WARS2: variants seen among roughly 807,000 people sequenced by gnomAD.
The protein encoded by WARS2 is tryptophan--tRNA ligase, mitochondrial.
WARS2 carries 28 observed loss-of-function variants against 36.5 expected under a neutral mutation model. The observed-to-expected ratio is 0.77, with a 90% confidence interval of 0.57 to 1.05. The LOEUF is 1.05. Ranked by LOEUF, WARS2 falls within the 50% of genes least tolerant of loss-of-function variation. The pLI is 0.00. For missense variants in WARS2, 435 were observed against 456.8 expected, an observed-to-expected ratio of 0.95 and a Z score of 0.44; for synonymous variants, 174 against 178.4, an observed-to-expected ratio of 0.98 and a Z score of 0.20.
intron 1 of WARS2, among the ~76,000 whole-genome samples, chr1:119,106,774 C>CA (rs1654268728): frequency 6.6e-6 from 1 of 152,158 alleles, no homozygotes; most frequent in Admixed American, 6.5e-5. Flanking sequence ...CACAAATATC[C>CA]ACATGCAGGT....
chr1:119,034,248 G>C (rs761012291), intron 4 of WARS2, 35 bp from the exon 5 acceptor site: 1 of 1,551,436 alleles, frequency 6.4e-7, no homozygotes, highest in Non-Finnish European at 8.9e-7. Flanking sequence ...ACAACAGCAA[G>C]GCTCTTTCTT....
At chr1:119,126,647 C>A in intron 1 of WARS2, 1 of 712,462 alleles carries the variant, frequency 1.4e-6, no homozygotes, top group East Asian at 2.5e-5. Flanking sequence ...CACGAAGCTC[C>A]ATAAGTTTTC....
At chr1:119,033,990 T>A (rs1421148357) in intron 5 of WARS2, 105 bp downstream of exon 5, 8 of 932,354 alleles carry the variant, frequency 8.6e-6, no homozygotes, top group Non-Finnish European at 1.3e-5. Flanking sequence ...GAAGCCTGTC[T>A]ACAAGAAAGC....
intron 2 of WARS2, among the ~76,000 whole-genome samples, chr1:119,075,180 A>C (rs901744084): frequency 6.6e-5 from 10 of 152,136 alleles, no homozygotes; most frequent in Non-Finnish European, 1.5e-4. Flanking sequence ...ATATGAAATC[A>C]GTGTGTATTT....
chr1:119,111,802 C>G (rs1183788876), intron 1 of WARS2, among the ~76,000 whole-genome samples: 2 of 152,110 alleles, frequency 1.3e-5, no homozygotes, highest in African/African-American at 4.8e-5. Flanking sequence ...GTTTTTATAC[C>G]AGTACATTGT....
At chr1:119,051,437 G>T (rs1426619332) in intron 2 of WARS2, among the ~76,000 whole-genome samples, 1 of 152,132 alleles carries the variant, frequency 6.6e-6, no homozygotes, top group Non-Finnish European at 1.5e-5. Flanking sequence ...TATTCAATCT[G>T]CCATTGATGG....
intron 1 of WARS2, among the ~76,000 whole-genome samples, chr1:119,110,934 C>G (rs587639073): frequency 2.0e-5 from 3 of 152,246 alleles, no homozygotes; most frequent in African/African-American, 7.2e-5. Flanking sequence ...ATGAACCTAT[C>G]AAAGGCATTC....
intron 4 of WARS2, among the ~76,000 whole-genome samples, chr1:119,040,075 A>C (rs1042222777): frequency 6.6e-6 from 1 of 152,206 alleles, no homozygotes; most frequent in African/African-American, 2.4e-5. Context: ...TAAAAATCAA[A>C]CCTGAGTTTA....
At chr1:119,066,978 C>T (rs1470022432) in intron 2 of WARS2, among the ~76,000 whole-genome samples, 3 of 152,076 alleles carry the variant, frequency 2.0e-5, no homozygotes, top group Admixed American at 6.5e-5. Flanking sequence ...TAATAAAAAG[C>T]TGGAAAAAAA....
intron 2 of WARS2, among the ~76,000 whole-genome samples, chr1:119,046,930 C>T (rs1372986241): frequency 1.3e-5 from 2 of 152,116 alleles, no homozygotes; most frequent in East Asian, 1.9e-4. Flanking sequence ...AACAAGGAAT[C>T]GCCATCTGTT....
At chr1:119,054,203 A>G (rs1649592015) in intron 2 of WARS2, among the ~76,000 whole-genome samples, 1 of 151,894 alleles carries the variant, frequency 6.6e-6, no homozygotes, top group Non-Finnish European at 1.5e-5. Flanking sequence ...AAACAAAACT[A>G]AACATCAACT....
chr1:119,081,812 G>A (rs1200940298), intron 1 of WARS2, among the ~76,000 whole-genome samples: 2 of 152,060 alleles, frequency 1.3e-5, no homozygotes, highest in East Asian at 1.9e-4. Context: ...AAGGATTGAA[G>A]AGCTGAAACA....
intron 1 of WARS2, among the ~76,000 whole-genome samples, chr1:119,130,473 CA>C (rs1375484611): frequency 1.2e-4 from 19 of 152,246 alleles, no homozygotes; most frequent in African/African-American, 3.4e-4. Flanking sequence ...AGTTAAGCGA[CA>C]AGTTTGAAAT....
intron 1 of WARS2, among the ~76,000 whole-genome samples, chr1:119,102,888 A>G (rs1166329309): frequency 1.3e-5 from 2 of 152,156 alleles, no homozygotes; most frequent in Non-Finnish European, 2.9e-5. Context: ...GTTTATTATC[A>G]TCCTATAAAA....
At chr1:119,071,463 A>T (rs926730245) in intron 2 of WARS2, among the ~76,000 whole-genome samples, 1 of 152,242 alleles carries the variant, frequency 6.6e-6, no homozygotes, top group Non-Finnish European at 1.5e-5. Context: ...CAACAGATGA[A>T]CAGATAAAGA....
intron 1 of WARS2, among the ~76,000 whole-genome samples, chr1:119,127,886 G>A (rs1419966808): frequency 2.6e-5 from 4 of 151,880 alleles, no homozygotes; most frequent in African/African-American, 9.7e-5. Context: ...GAAAATTTTG[G>A]TAAGGCCATT....
At chr1:119,057,867 C>A (rs1187836070) in intron 2 of WARS2, among the ~76,000 whole-genome samples, 2 of 152,002 alleles carry the variant, frequency 1.3e-5, no homozygotes, top group Non-Finnish European at 2.9e-5. Context: ...AAAAGCCTTG[C>A]CAGATATATG....
At chr1:119,132,977 G>A (rs587739863) in intron 1 of WARS2, among the ~76,000 whole-genome samples, 13 of 152,164 alleles carry the variant, frequency 8.5e-5, no homozygotes, top group African/African-American at 3.1e-4. Flanking sequence ...GCCACTTCTT[G>A]AAGAAAGCAC....
In WARS2 at chr1:119,045,642, T is replaced by A; in HGVS notation, c.369A>T (p.Leu123Phe). The A allele has an allele frequency of 6.3e-7, 1 of 1,591,354 alleles. No individual in the cohort carries two copies. Among genetic ancestry groups the A allele is most frequent in the Non-Finnish European group, 8.6e-7 (1 of 1,165,586 alleles). ...QQSQVSEHTQ[L>F]SWILSCMVRL... ...TGACCATGCAGGAAAGGATCCAACTTAATTGTGTGTGTTCAGACACCTAAA... is the reference window on the plus strand; with the variant it reads ...TGACCATGCAGGAAAGGATCCAACTAAATTGTGTGTGTTCAGACACCTAAA... The change falls in exon 3 of 6, where the codon TTA (leucine) becomes TTT (phenylalanine). Residue 123 changes from leucine (L) to phenylalanine (F), a missense_variant. Physicochemically the swap from Leu to Phe is conservative, Grantham distance 22. Transcript: ENST00000235521.
Sources: gnomAD v4.1 joint callset for allele counts (sites outside exome capture counted in the v4.1 genomes callset) on GRCh38, gnomAD v4.1.1 for gene constraint, MANE v1.5 for transcripts, NCBI Gene and HGNC (gene_info 2026-07-23, HGNC 2026-07-21) for gene names.